SLC36A1: variants seen among roughly 807,000 people sequenced by gnomAD.
The protein encoded by SLC36A1 is proton-coupled amino acid transporter 1.
Under a neutral mutation model 47.5 loss-of-function variants are expected in SLC36A1, and 30 were observed. The ratio of observed to expected loss-of-function variants is 0.63; its 90% CI spans 0.47 to 0.86. The LOEUF (loss-of-function observed/expected upper bound fraction) is 0.86. Among genes scored for constraint, SLC36A1 ranks in the 40% least tolerant of loss-of-function variants. The pLI is 0.00. For synonymous variants in SLC36A1, 255 were observed against 249.7 expected (o/e 1.02, Z -0.20); for missense variants, 517 against 606.0 (o/e 0.85, Z 1.54).
chr5:151,465,318 A>G, intron 5 of SLC36A1, 149 bp downstream of exon 5: 2 of 690,918 alleles, frequency 2.9e-6, no homozygotes, highest in Admixed American at 2.8e-5. Context: ...GCTGGTAGTA[A>G]GCTGTGTGAC....
the SLC36A1 span, chr5:151,543,071 C>G: frequency 4.3e-6 from 7 of 1,614,070 alleles, no homozygotes; most frequent in African/African-American, 9.3e-5. Context: ...GGTAAGGATA[C>G]TTTTTTAGGA....
chr5:151,420,633 A>C, the SLC36A1 span, among the ~76,000 whole-genome samples: 3 of 152,172 alleles, frequency 2.0e-5, no homozygotes, highest in Non-Finnish European at 2.9e-5. Context: ...TTCATTTAAA[A>C]ATATAGCAGT....
At chr5:151,468,251 CAA>C (rs1214176868) in intron 7 of SLC36A1, among the ~76,000 whole-genome samples, 32 of 31,280 alleles carry the variant, frequency 1.0e-3, no homozygotes, top group African/African-American at 2.7e-3. Context: ...GACTCTGTCT[CAA>C]AAAAAAAAAA....
the SLC36A1 span, chr5:151,545,976 T>TTTC: frequency 5.0e-6 from 8 of 1,614,206 alleles, no homozygotes; most frequent in Admixed American, 1.3e-4. Context: ...CATGGTCCAA[T>TTTC]TTCTTCTGGG....
downstream of SLC36A1, among the ~76,000 whole-genome samples, chr5:151,493,636 C>T (rs970093417): frequency 1.3e-5 from 2 of 152,164 alleles, no homozygotes; most frequent in African/African-American, 2.4e-5. Context: ...TGACTATTTT[C>T]GTTGTCATTA....
At chr5:151,549,438 T>G in the SLC36A1 span, 1 of 1,613,914 alleles carries the variant, frequency 6.2e-7, no homozygotes, top group Non-Finnish European at 8.5e-7. Flanking sequence ...TGGGTGGAGG[T>G]TTCCATCCTC....
At chr5:151,517,107 C>CAA in the SLC36A1 span, among the ~76,000 whole-genome samples, 10 of 91,030 alleles carry the variant, frequency 1.1e-4, no homozygotes, top group African/African-American at 3.8e-4. Flanking sequence ...GACTCCATCT[C>CAA]AAAAAAAAAA....
At chr5:151,492,563 T>A, downstream of SLC36A1, among the ~76,000 whole-genome samples, 1 of 152,050 alleles carries the variant, frequency 6.6e-6, no homozygotes, top group Admixed American at 6.6e-5. Flanking sequence ...GGTTTTTTAT[T>A]TTTTTTTCTG....
chr5:151,539,885 A>G, the SLC36A1 span, among the ~76,000 whole-genome samples: 4 of 152,156 alleles, frequency 2.6e-5, no homozygotes, highest in African/African-American at 9.7e-5. Flanking sequence ...CCCTCACCAA[A>G]TGAAATTGCC....
At chr5:151,541,989 G>A in the SLC36A1 span, among the ~76,000 whole-genome samples, 1,435 of 152,308 alleles carry the variant, frequency 9.4e-3, 20 homozygotes, top group African/African-American at 0.033. Context: ...AAAGACAACT[G>A]ACAGCAGTTA....
chr5:151,370,729 A>G, the SLC36A1 span, among the ~76,000 whole-genome samples: 1 of 152,176 alleles, frequency 6.6e-6, no homozygotes, highest in Non-Finnish European at 1.5e-5. Context: ...GCGGCAGCTC[A>G]CGCCTGTAAT....
the SLC36A1 span, among the ~76,000 whole-genome samples, chr5:151,534,970 A>AATATATATATATAT: frequency 5.2e-3 from 557 of 106,332 alleles, 9 homozygotes; most frequent in Middle Eastern, 0.011. Context: ...CTTCTAGGAA[A>AATATATATATATAT]ATATATATAT....
rs1198611388 is a variant in SLC36A1, at chr5:151,488,914, T to G, written c.*660T>G. On this transcript the variant is annotated 3_prime_UTR_variant, in exon 11 of 11. Coordinates refer to ENST00000243389, the MANE Select transcript of SLC36A1 (RefSeq NM_078483.4). Reference sequence around the variant, plus strand: ...CTGTGTTCTTAGTTGCTTTAGCTCTTAAAACATACGAAGTGTTGCCTAAAC... The same window carrying G: ...CTGTGTTCTTAGTTGCTTTAGCTCTGAAAACATACGAAGTGTTGCCTAAAC... The G allele has an allele frequency of 6.6e-6, 1 of 152,316 alleles. No individual in the cohort carries two copies. Among genetic ancestry groups the G allele is most frequent in the Non-Finnish European group, 1.5e-5 (1 of 68,106 alleles). 9.4% of individuals were successfully genotyped at this position (152,316 alleles called of 1,614,324 possible).
At chr5:151,403,120 C>T in the SLC36A1 span, among the ~76,000 whole-genome samples, 1 of 152,236 alleles carries the variant, frequency 6.6e-6, no homozygotes, top group Middle Eastern at 3.4e-3. Context: ...TGAGATCTTT[C>T]TAGCTTCTTG....
chr5:151,433,244 ATAT>A (rs1341029313), upstream of SLC36A1, among the ~76,000 whole-genome samples: 5 of 9,906 alleles, frequency 5.0e-4, no homozygotes, highest in East Asian at 0.018. Context: ...ATATATATAT[ATAT>A]ATATATATAT....
At chr5:151,422,299 A>T in the SLC36A1 span, 2 of 152,236 alleles carry the variant, frequency 1.3e-5, no homozygotes, top group South Asian at 2.1e-4. Flanking sequence ...ACAAAAATAG[A>T]TTTGTTAAGA....
At chr5:151,374,166 A>G in the SLC36A1 span, among the ~76,000 whole-genome samples, 1 of 152,158 alleles carries the variant, frequency 6.6e-6, no homozygotes, top group Non-Finnish European at 1.5e-5. Flanking sequence ...TACCCTGGCC[A>G]GAAGACACGT....
At chr5:151,517,580 G>A in the SLC36A1 span, 1 of 1,611,762 alleles carries the variant, frequency 6.2e-7, no homozygotes, top group Admixed American at 1.7e-5. Context: ...CCCCAGCCTG[G>A]GACACCCACA....
At chr5:151,540,511 C>G in the SLC36A1 span, 3 of 1,519,584 alleles carry the variant, frequency 2.0e-6, no homozygotes, top group East Asian at 6.9e-5. Flanking sequence ...TCTCCCACCC[C>G]TCACTCTTAT....
Sources: allele counts gnomAD v4.1 joint callset (sites outside exome capture counted in the v4.1 genomes callset), GRCh38; gene constraint gnomAD v4.1.1; transcripts MANE v1.5; gene names NCBI Gene and HGNC (gene_info 2026-07-23, HGNC 2026-07-21).